Variants in KIF25 observed in about 807,000 individuals in gnomAD.
The protein encoded by KIF25 is kinesin family member 25.
Under a neutral mutation model 32.9 loss-of-function variants are expected in KIF25, and 19 were observed. The observed-to-expected ratio is 0.58, with a 90% CI of 0.40 to 0.85. The LOEUF (loss-of-function observed/expected upper bound fraction) is 0.85. Ranked by LOEUF, KIF25 falls within the 40% of genes least tolerant of loss-of-function variation. KIF25 has a pLI of 0.00. For synonymous variants in KIF25, 225 were observed against 213.7 expected (o/e 1.05, Z -0.46); for missense variants, 485 against 507.0 (o/e 0.96, Z 0.42).
In KIF25 at chr6:168,042,144, G is replaced by C; in HGVS notation, c.822G>C (p.Glu274Asp). The stretch of plus-strand genomic sequence containing the variant: ...AGCTCGTGGACTCGGCCGGCAGCGA[G>C]TGCGTTGGTGAGCAGGGGCAGGCAT... ...RLQLVDSAGSECVGVSGVTGL... is the reference protein window; with the variant it reads ...RLQLVDSAGSDCVGVSGVTGL... The change falls in exon 11 of 13, where the codon GAG (glutamate) becomes GAC (aspartate). Residue 274 changes from glutamate to aspartate, a missense_variant. Physicochemically the swap from Glu to Asp is conservative, Grantham distance 45. This residue lies in a region of KIF25 where 480 missense variants were observed against 470.3 expected (regional missense o/e 1.02). Transcript: ENST00000643607. 1 of 1,548,852 alleles carries C rather than the reference G, an allele frequency of 6.5e-7. No homozygotes were observed.
chr6:168,040,903 A>G (rs73788697), intron 10 of KIF25, among the ~76,000 whole-genome samples: 3,588 of 152,346 alleles, frequency 0.024, 162 homozygotes, highest in African/African-American at 0.082. Flanking sequence ...AACAGAAAGA[A>G]CACAGGCCTG....
In KIF25 at chr6:168,037,084, A is replaced by T. The variant is rs79953942; in HGVS notation, c.318-1469A>T. ...CTCAGATAAATAAATAAATAAATAT[A>T]AAGTAAAATAAAATCTGTAGCTTAG... On this transcript the variant is annotated intron_variant, in intron 8 of 12. Transcript: ENST00000643607. Among the ~76,000 whole-genome samples the T allele has an allele frequency of 9.5e-4, 144 of 152,322 alleles. No homozygotes were observed. In the East Asian group the frequency reaches 0.013, roughly 13 times the overall value.
At chr6:168,025,945 C>A (rs1798854422) in intron 5 of KIF25, among the ~76,000 whole-genome samples, 1 of 152,188 alleles carries the variant, frequency 6.6e-6, no homozygotes, top group African/African-American at 2.4e-5. Flanking sequence ...GTGGCTAGAG[C>A]TTGAGCTGGG....
intron 7 of KIF25, among the ~76,000 whole-genome samples, chr6:168,032,157 C>G (rs1031644509): frequency 2.0e-5 from 3 of 152,208 alleles, no homozygotes; most frequent in Non-Finnish European, 4.4e-5. Flanking sequence ...TGCAGGGTAT[C>G]GTGAGGCCTG....
chr6:168,010,016 C>G lies in KIF25; in HGVS notation c.-163+6313C>G, dbSNP rs201783416. ...TTTCTTTGTCTATTTTAAAAATTAACTTTGTTTCATTGATCTTCTGTATTT... is the reference window on the plus strand; with the variant it reads ...TTTCTTTGTCTATTTTAAAAATTAAGTTTGTTTCATTGATCTTCTGTATTT... On this transcript the variant is annotated intron_variant, in intron 4 of 12. Transcript: ENST00000643607. Among the ~76,000 whole-genome samples, 9 of 151,902 alleles carry G rather than the reference C, an allele frequency of 5.9e-5. No individual in the cohort carries two copies. The East Asian group carries it at 1.2e-3, about 20-fold the overall frequency.
At chr6:168,006,984 TATTG>T (rs766831357) in intron 4 of KIF25, among the ~76,000 whole-genome samples, 5 of 152,336 alleles carry the variant, frequency 3.3e-5, no homozygotes, top group Admixed American at 6.5e-5. Flanking sequence ...TTTAAAGTAT[TATTG>T]ATTGATTGAT....
In KIF25 at chr6:168,018,003, G is replaced by A. The variant is rs772442083; in HGVS notation, c.-132G>A. ...AATTCTGGTGAAATGTGATCGTCCTGGCCACCCTCTGATTGATAAGACATA... is the reference window on the plus strand; with the variant it reads ...AATTCTGGTGAAATGTGATCGTCCTAGCCACCCTCTGATTGATAAGACATA... On this transcript the variant is annotated 5_prime_UTR_variant, in exon 5 of 13. Coordinates refer to ENST00000643607, the MANE Select transcript of KIF25 (RefSeq NM_030615.4). The A allele has an allele frequency of 2.0e-5, 3 of 152,516 alleles. No individual in the cohort carries two copies. The highest frequency in any genetic ancestry group is 4.4e-5 in the Non-Finnish European group (3 of 68,026). The allele number at this position is 152,516 out of a possible 1,614,324, so 9.4% of individuals were successfully genotyped here.
intron 5 of KIF25, among the ~76,000 whole-genome samples, chr6:168,027,719 C>T (rs922919513): frequency 3.3e-5 from 5 of 152,106 alleles, no homozygotes; most frequent in Admixed American, 2.0e-4. Context: ...CACATCCCCA[C>T]GGAGCACGAG....
chr6:168,032,294 T>G (rs1798952899), intron 7 of KIF25, among the ~76,000 whole-genome samples: 1 of 152,236 alleles, frequency 6.6e-6, no homozygotes, highest in African/African-American at 2.4e-5. Context: ...GTTTACAGCT[T>G]CCTTCTCCGG....
intron 4 of KIF25, among the ~76,000 whole-genome samples, chr6:168,013,155 G>A (rs940528361): frequency 2.0e-5 from 3 of 151,938 alleles, no homozygotes; most frequent in African/African-American, 7.3e-5. Context: ...CTGAGCACAG[G>A]TGCCCAGCCC....
intron 6 of KIF25, among the ~76,000 whole-genome samples, chr6:168,030,304 G>A (rs73042821): frequency 0.034 from 5,154 of 152,232 alleles, 101 homozygotes; most frequent in Non-Finnish European, 0.049. Context: ...AAAATCAAAT[G>A]TTATATATCA....
At chr6:168,026,343 AG>A (rs1275672209) in intron 5 of KIF25, among the ~76,000 whole-genome samples, 2 of 152,222 alleles carry the variant, frequency 1.3e-5, no homozygotes, top group Non-Finnish European at 2.9e-5. Context: ...TGCTGTTAGA[AG>A]TGAACAGAAA....
chr6:168,028,466 C>A, intron 5 of KIF25, among the ~76,000 whole-genome samples: 1 of 152,336 alleles, frequency 6.6e-6, no homozygotes, highest in Admixed American at 6.5e-5. Context: ...TACTAATTCA[C>A]GCAGCAAGAC....
chr6:168,014,361 T>A (rs905813430), intron 4 of KIF25, among the ~76,000 whole-genome samples: 6 of 152,220 alleles, frequency 3.9e-5, no homozygotes, highest in African/African-American at 1.2e-4. Context: ...TCCTCTCCCG[T>A]TCCTGCCAAA....
chr6:168,027,343 C>T (rs541183269), intron 5 of KIF25, among the ~76,000 whole-genome samples: 2 of 151,066 alleles, frequency 1.3e-5, no homozygotes, highest in South Asian at 2.1e-4. Flanking sequence ...GTCCCAGCTA[C>T]TTGAGAGGCT....
At position 167,998,728 on chromosome 6, in the gene KIF25, A is replaced by T. The variant is rs1303372236; in HGVS notation, c.-741A>T. 4 of 152,218 alleles carry T rather than the reference A, an allele frequency of 2.6e-5. No homozygotes were observed. Among genetic ancestry groups the T allele is most frequent in the Non-Finnish European group, 1.5e-5 (1 of 68,048 alleles). The allele number at this position is 152,218 out of a possible 1,614,324, so 9.4% of individuals were successfully genotyped here. On this transcript the variant is annotated 5_prime_UTR_variant, in exon 1 of 13. Transcript: ENST00000643607. ...GGATACCCCTTTGCCAAGTGAACAC[A>T]TTTGTGAAGTATGAATCCAGAAGTT...
intron 4 of KIF25, among the ~76,000 whole-genome samples, chr6:168,013,292 C>T (rs1798671613): frequency 1.3e-5 from 2 of 151,742 alleles, no homozygotes; most frequent in Admixed American, 1.3e-4. Context: ...CAGGTTCCTC[C>T]AGCTGGTAGG....
At chr6:168,040,240 C>A in intron 10 of KIF25, 24 bp downstream of exon 10, 1 of 1,594,816 alleles carries the variant, frequency 6.3e-7, no homozygotes, top group South Asian at 1.1e-5. Context: ...TGTGCTTGGT[C>A]AGTGGCAAGT....
At position 168,042,135 on chromosome 6, in the gene KIF25, C is replaced by A. The variant is rs540998005; in HGVS notation, c.813C>A (p.Ala271=). The A allele has an allele frequency of 1.3e-6, 2 of 1,549,490 alleles. No individual in the cohort carries two copies. Among genetic ancestry groups the A allele is most frequent in the Admixed American group, 2.0e-5 (1 of 51,046 alleles). The change falls in exon 11 of 13, where the codon GCC becomes GCA. Residue 271 remains alanine (A), a synonymous_variant. Transcript: ENST00000643607. ...VQARLQLVDS[A]GSECVGVSGV... is the part of the protein sequence containing the mutation. Reference sequence around the variant, plus strand: ...CTCGACTACAGCTCGTGGACTCGGCCGGCAGCGAGTGCGTTGGTGAGCAGG... The same window carrying A: ...CTCGACTACAGCTCGTGGACTCGGCAGGCAGCGAGTGCGTTGGTGAGCAGG...
Sources: allele counts gnomAD v4.1 joint callset (sites outside exome capture counted in the v4.1 genomes callset), GRCh38; gene constraint gnomAD v4.1.1; regional missense constraint gnomAD v4.1.1; transcripts MANE v1.5; gene names NCBI Gene and HGNC (gene_info 2026-07-23, HGNC 2026-07-21).